CNTN4: variants seen among roughly 807,000 people sequenced by gnomAD.
The protein encoded by CNTN4 is contactin 4.
In CNTN4, 77 loss-of-function variants were observed where a neutral mutation model predicts 122.5. The ratio of observed to expected loss-of-function variants is 0.63; its 90% confidence interval spans 0.52 to 0.76. The LOEUF is 0.76. Among genes scored for constraint, CNTN4 ranks in the 30% least tolerant of loss-of-function variants. CNTN4 has a pLI of 0.00. For missense variants in CNTN4, 1,256 were observed against 1,259.1 expected, an observed-to-expected ratio of 1.00 and a Z score of 0.04; for synonymous variants, 512 against 447.0, an observed-to-expected ratio of 1.15 and a Z score of -1.83.
chr3:2,105,879 T>C (rs1263708410), intron 2 of CNTN4, among the ~76,000 whole-genome samples: 1 of 152,190 alleles, frequency 6.6e-6, no homozygotes, highest in Non-Finnish European at 1.5e-5. Context: ...TATGAGCCTG[T>C]AAAATAAAAA....
At chr3:2,725,490 G>A (rs1157740905) in intron 4 of CNTN4, among the ~76,000 whole-genome samples, 1 of 152,102 alleles carries the variant, frequency 6.6e-6, no homozygotes, top group Admixed American at 6.6e-5. Context: ...TTTTCAAAAG[G>A]CCACCATTAA....
chr3:2,749,688 G>A (rs1172047012), intron 6 of CNTN4, among the ~76,000 whole-genome samples: 1 of 152,104 alleles, frequency 6.6e-6, no homozygotes, highest in African/African-American at 2.4e-5. Context: ...TGAGGGTGAT[G>A]TATTTTTATA....
At chr3:2,422,486 C>G (rs888950210) in intron 3 of CNTN4, among the ~76,000 whole-genome samples, 5 of 152,168 alleles carry the variant, frequency 3.3e-5, no homozygotes, top group African/African-American at 1.2e-4. Flanking sequence ...ATAGTGAGCA[C>G]TATTTGGATT....
At chr3:2,742,033 A>T (rs2089483477) in intron 5 of CNTN4, among the ~76,000 whole-genome samples, 1 of 152,202 alleles carries the variant, frequency 6.6e-6, no homozygotes. Context: ...GAGCTAAAGC[A>T]TTCCTCTTGT....
chr3:2,979,617 T>C (rs1375626805), intron 13 of CNTN4, among the ~76,000 whole-genome samples: 2 of 152,020 alleles, frequency 1.3e-5, no homozygotes, highest in Admixed American at 1.3e-4. Flanking sequence ...TTGAGTTTTT[T>C]TTTTTTTTAA....
intron 3 of CNTN4, among the ~76,000 whole-genome samples, chr3:2,533,045 C>G (rs563541191): frequency 5.4e-4 from 82 of 151,966 alleles, no homozygotes; most frequent in African/African-American, 1.9e-3. Flanking sequence ...TCATTATTGA[C>G]TTTCTTTATG....
chr3:2,872,599 C>T (rs532848069), intron 8 of CNTN4, among the ~76,000 whole-genome samples: 3 of 151,890 alleles, frequency 2.0e-5, no homozygotes, highest in African/African-American at 7.2e-5. Context: ...AATATTAACC[C>T]GAATTGGAAC....
At position 3,053,951 on chromosome 3, in the gene CNTN4, C is replaced by G; in HGVS notation, c.2956C>G (p.Gln986Glu). The G allele has an allele frequency of 1.2e-6, 2 of 1,614,212 alleles. No individual in the cohort carries two copies. The highest frequency in any genetic ancestry group is 8.5e-7 in the Non-Finnish European group (1 of 1,180,024). ...CGGAGGAGATGGCAGCAGCAGTGAA[C>G]AAATTCGAATTCCAAAGATATCAAG... is the stretch of plus-strand genomic sequence containing the variant. ...SDGGDGSSSE[Q>E]IRIPKISNAY... Residue 986 changes from glutamine (Q) to glutamate (E), a missense_variant, in exon 24 of 25, where the codon CAA becomes GAA. By Grantham distance (29) the Gln-to-Glu change is conservative. Coordinates refer to ENST00000418658, the MANE Select transcript of CNTN4 (RefSeq NM_175607.3).
Position 2,729,561 on chromosome 3 carries a change from A to AG in CNTN4, c.56-6654_56-6653insG, listed in dbSNP as rs1406839587. ...TCCATCTCAAAAAAAAAAAAAAAAA[A>AG]AAGAAGAGAAAAGAAAAATGAAAGT... is the stretch of plus-strand genomic sequence containing the variant. On this transcript the variant is annotated intron_variant, in intron 4 of 24. Coordinates refer to ENST00000418658, the MANE Select transcript of CNTN4 (RefSeq NM_175607.3). Among the ~76,000 whole-genome samples, 6 of 150,672 alleles carry AG rather than the reference A, an allele frequency of 4.0e-5. No homozygotes were observed. In the East Asian group the frequency reaches 7.8e-4, roughly 20 times the overall value.
intron 3 of CNTN4, among the ~76,000 whole-genome samples, chr3:2,568,335 A>C (rs895119161): frequency 6.6e-6 from 1 of 151,230 alleles, no homozygotes; most frequent in Non-Finnish European, 1.5e-5. Flanking sequence ...AAAAAAAAAA[A>C]AAAAACCACC....
intron 2 of CNTN4, among the ~76,000 whole-genome samples, chr3:2,275,389 C>T (rs1016094279): frequency 5.9e-5 from 9 of 152,086 alleles, no homozygotes; most frequent in Non-Finnish European, 7.4e-5. Context: ...TATCTTTTAT[C>T]GGCACTACAG....
intron 3 of CNTN4, among the ~76,000 whole-genome samples, chr3:2,448,652 A>T (rs1041070031): frequency 6.6e-6 from 1 of 152,194 alleles, no homozygotes. Context: ...CTCTGAATGG[A>T]TATATTCTGC....
intron 6 of CNTN4, among the ~76,000 whole-genome samples, chr3:2,797,388 A>G (rs2092219767): frequency 6.6e-6 from 1 of 152,184 alleles, no homozygotes; most frequent in Non-Finnish European, 1.5e-5. Context: ...TACCTAGGTC[A>G]GGAGTTCGAG....
At chr3:2,544,832 C>T (rs184901567) in intron 3 of CNTN4, among the ~76,000 whole-genome samples, 1 of 151,730 alleles carries the variant, frequency 6.6e-6, no homozygotes, top group East Asian at 1.9e-4. Context: ...TTCCTGGATT[C>T]ATTGATCTTT....
intron 6 of CNTN4, among the ~76,000 whole-genome samples, chr3:2,776,866 G>T (rs2091341815): frequency 6.6e-6 from 1 of 152,124 alleles, no homozygotes; most frequent in Non-Finnish European, 1.5e-5. Flanking sequence ...AACATCTTAT[G>T]TATCTTAGGT....
chr3:2,398,766 G>T (rs572415012), intron 3 of CNTN4, among the ~76,000 whole-genome samples: 7 of 152,248 alleles, frequency 4.6e-5, no homozygotes, highest in Non-Finnish European at 1.0e-4. Flanking sequence ...GAAACACTTG[G>T]AAATGATCAC....
At chr3:2,705,898 TA>T (rs2086695511) in intron 4 of CNTN4, among the ~76,000 whole-genome samples, 1 of 59,466 alleles carries the variant, frequency 1.7e-5, no homozygotes, top group South Asian at 5.1e-4. Flanking sequence ...ATATATAAAA[TA>T]TATATTATAT....
At chr3:2,707,508 G>A (rs547601366) in intron 4 of CNTN4, among the ~76,000 whole-genome samples, 1 of 152,136 alleles carries the variant, frequency 6.6e-6, no homozygotes, top group South Asian at 2.1e-4. Flanking sequence ...GTGTACATCT[G>A]CTTTTCAAAT....
intron 8 of CNTN4, among the ~76,000 whole-genome samples, chr3:2,875,732 G>T (rs1199438431): frequency 6.6e-6 from 1 of 152,172 alleles, no homozygotes; most frequent in African/African-American, 2.4e-5. Context: ...CTTGTTATTT[G>T]TGGCTCCAAA....
Sources: allele counts gnomAD v4.1 joint callset (sites outside exome capture counted in the v4.1 genomes callset), GRCh38; gene constraint gnomAD v4.1.1; transcripts MANE v1.5; gene names NCBI Gene and HGNC (gene_info 2026-07-23, HGNC 2026-07-21).